The following ERCC6L2 variants were observed in gnomAD, a reference collection of about 807,000 sequenced individuals.
The protein encoded by ERCC6L2 is ERCC excision repair 6 like 2, also known as DNA excision repair protein ERCC-6-like 2.
Under a neutral mutation model 132.0 loss-of-function variants are expected in ERCC6L2, and 77 were observed. That is an observed-to-expected ratio of 0.58 (90% CI 0.49 to 0.71). ERCC6L2 has a LOEUF of 0.71. Ranked by LOEUF, ERCC6L2 falls within the 30% of genes least tolerant of loss-of-function variation. The pLI is 0.00. For synonymous variants in ERCC6L2, 583 were observed against 632.4 expected, an observed-to-expected ratio of 0.92 and a Z score of 1.17; for missense variants, 1,542 against 1,837.6, an observed-to-expected ratio of 0.84 and a Z score of 2.94.
At chr9:95,982,824 G>C (rs958396588) in intron 17 of ERCC6L2, among the ~76,000 whole-genome samples, 1 of 152,030 alleles carries the variant, frequency 6.6e-6, no homozygotes, top group African/African-American at 2.4e-5. Flanking sequence ...AATATAATAC[G>C]TCATTTGAGT....
intron 16 of ERCC6L2, among the ~76,000 whole-genome samples, chr9:95,973,290 C>A (rs1791955874): frequency 6.6e-6 from 1 of 152,086 alleles, no homozygotes; most frequent in Non-Finnish European, 1.5e-5. Context: ...TACCCCAGGA[C>A]CCCCTCCATG....
intron 11 of ERCC6L2, among the ~76,000 whole-genome samples, chr9:95,933,035 A>C (rs1830408002): frequency 6.6e-6 from 1 of 152,152 alleles, no homozygotes; most frequent in Non-Finnish European, 1.5e-5. Flanking sequence ...TCTTCTTTAA[A>C]GGGAGCTTTG....
Position 95,992,766 on chromosome 9 carries a change from C to T in ERCC6L2, c.3493-11754C>T, listed in dbSNP as rs1833346428. ...GGCCAGGGTGGAGGGACATGAGGAG[C>T]CTAAGCTAGCCACTGGAAAACACAG... On this transcript the variant is annotated intron_variant, in intron 17 of 18. Transcript: ENST00000653738. 2.0e-5 allele frequency among the ~76,000 whole-genome samples: 3 copies of T among 152,100 alleles called. No homozygotes were observed. In the South Asian group the frequency reaches 6.2e-4, roughly 32 times the overall value.
chr9:95,911,840 C>T (rs1441292747), intron 4 of ERCC6L2, among the ~76,000 whole-genome samples: 1 of 152,186 alleles, frequency 6.6e-6, no homozygotes, highest in African/African-American at 2.4e-5. Flanking sequence ...TGAAAAACTG[C>T]AGTTCACTGT....
chr9:95,907,593 T>C (rs1159503681), intron 4 of ERCC6L2, among the ~76,000 whole-genome samples: 6 of 152,094 alleles, frequency 3.9e-5, no homozygotes, highest in African/African-American at 1.4e-4. Flanking sequence ...TAGTTCATAA[T>C]AACTTACTCT....
chr9:95,952,166 T>TAAAAAAAAAAGA (rs1831365128), intron 12 of ERCC6L2, among the ~76,000 whole-genome samples: 1 of 57,738 alleles, frequency 1.7e-5, no homozygotes, highest in Non-Finnish European at 2.7e-5. Context: ...GACTCCATCT[T>TAAAAAAAAAAGA]AAAAAAAAAA....
chr9:96,018,018 T>A lies in ERCC6L2; in HGVS notation c.*4815T>A, dbSNP rs556534978. Among the ~76,000 whole-genome samples, 6 of 152,194 alleles carry A rather than the reference T, an allele frequency of 3.9e-5. No homozygotes were observed. The highest frequency in any genetic ancestry group is 1.2e-4 in the African/African-American group (5 of 41,428). On this transcript the variant is annotated 3_prime_UTR_variant, in exon 19 of 19. Transcript: ENST00000653738. ...GACAAATACTGTATGATTCCACTTATATAAAGTACCTAGATTAGTCAGATT... is the reference window on the plus strand; with the variant it reads ...GACAAATACTGTATGATTCCACTTAAATAAAGTACCTAGATTAGTCAGATT...
intron 2 of ERCC6L2, among the ~76,000 whole-genome samples, chr9:95,883,584 G>T (rs1441232213): frequency 6.6e-6 from 1 of 152,186 alleles, no homozygotes; most frequent in Non-Finnish European, 1.5e-5. Flanking sequence ...CATGAGGCTG[G>T]GTTTGGTGGT....
chr9:95,899,600 A>ATATATATATG (rs746946004), intron 3 of ERCC6L2, among the ~76,000 whole-genome samples: 286 of 134,886 alleles, frequency 2.1e-3, no homozygotes, highest in African/African-American at 7.9e-3. Context: ...TTATATATAT[A>ATATATATATG]TGTGTGTGTG....
chr9:95,897,952 T>C lies in ERCC6L2; in HGVS notation c.575T>C (p.Leu192Pro). 6.2e-7 allele frequency: 1 copy of C among 1,610,572 alleles called. No individual in the cohort carries two copies. Among genetic ancestry groups the C allele is most frequent in the Non-Finnish European group, 8.5e-7 (1 of 1,178,746 alleles). Residue 192 changes from leucine to proline, a missense_variant, in exon 3 of 19, where the codon CTT becomes CCT. Transcript: ENST00000653738. ...CTAAGAAGTATGAAAAAGGAACCCC[T>C]TTCTTCTACAGCAAAAAAGGTAAAA... ...FLLRSMKKEP[L>P]SSTAKKMFLI...
intron 2 of ERCC6L2, among the ~76,000 whole-genome samples, chr9:95,894,331 T>G (rs887028751): frequency 1.3e-5 from 2 of 152,224 alleles, no homozygotes; most frequent in African/African-American, 4.8e-5. Flanking sequence ...AATATTCATT[T>G]AAGTCCCTAA....
chr9:95,919,843 G>A (rs1829777213), intron 6 of ERCC6L2, among the ~76,000 whole-genome samples: 2 of 152,186 alleles, frequency 1.3e-5, no homozygotes, highest in African/African-American at 2.4e-5. Flanking sequence ...AAATTCAAGA[G>A]CTAATTTAAA....
At chr9:95,952,748 G>A (rs1406712791) in intron 12 of ERCC6L2, among the ~76,000 whole-genome samples, 3 of 151,908 alleles carry the variant, frequency 2.0e-5, no homozygotes, top group East Asian at 3.9e-4. Context: ...GCCAAGGCAC[G>A]AGAATCACTT....
At chr9:95,877,331 C>T (rs1479394468) in intron 1 of ERCC6L2, among the ~76,000 whole-genome samples, 3 of 149,610 alleles carry the variant, frequency 2.0e-5, no homozygotes, top group Non-Finnish European at 4.4e-5. Flanking sequence ...TGTGTGATTC[C>T]CTTAAGGCTT....
Position 95,972,689 on chromosome 9 carries a change from A to G in ERCC6L2, c.2938A>G (p.Ser980Gly). The G allele has an allele frequency of 7.7e-7, 1 of 1,300,854 alleles. No individual in the cohort carries two copies. The highest frequency in any genetic ancestry group is 1.5e-5 in the African/African-American group (1 of 65,998). 80.6% of individuals were successfully genotyped at this position (1,300,854 alleles called of 1,614,324 possible). ...GAAAAGAAAAGGCACCAGTGATATC[A>G]GTGATGAATCTGATGACATTGAAAT... Reference protein sequence around the residue: ...ILKRKGTSDISDESDDIEISS... With the variant: ...ILKRKGTSDIGDESDDIEISS... The change falls in exon 16 of 19, where the codon AGT becomes GGT. Residue 980 changes from serine (S) to glycine (G), a missense_variant. Around this residue, in one of 4 missense-constraint regions of ERCC6L2, gnomAD observed 945 missense variants for 1,105.2 expected, o/e 0.86. Transcript: ENST00000653738.
In ERCC6L2 at chr9:95,881,196, A is replaced by T. The variant is rs201929399; in HGVS notation, c.374A>T (p.Asp125Val). The change falls in exon 2 of 19, where the codon GAC becomes GTC. Residue 125 changes from aspartate (D) to valine (V), a missense_variant. Around this residue, in one of 4 missense-constraint regions of ERCC6L2, gnomAD observed 945 missense variants for 1,105.2 expected, o/e 0.86. Transcript: ENST00000653738. Reference sequence around the variant, plus strand: ...TATACCATCAATAGGTATTTGAGAGACTACCAAAGAGAAGGAACCCGGTTT... The same window carrying T: ...TATACCATCAATAGGTATTTGAGAGTCTACCAAAGAGAAGGAACCCGGTTT... ...IPYTINRYLR[D>V]YQREGTRFLY... The T allele has an allele frequency of 6.2e-7, 1 of 1,609,348 alleles. No homozygotes were observed. The highest frequency in any genetic ancestry group is 8.5e-7 in the Non-Finnish European group (1 of 1,178,802).
Position 96,016,706 on chromosome 9 carries a change from T to C in ERCC6L2, c.*3503T>C, listed in dbSNP as rs1186460031. 6.6e-6 allele frequency among the ~76,000 whole-genome samples: 1 copy of C among 152,256 alleles called. No homozygotes were observed. The highest frequency in any genetic ancestry group is 1.5e-5 in the Non-Finnish European group (1 of 68,040). On this transcript the variant is annotated 3_prime_UTR_variant, in exon 19 of 19. Transcript: ENST00000653738. ...AATTAAAGTTCAATGTGTACGCTTT[T>C]AAATTCTGAAGTTATCCTTCTTTTA...
At chr9:95,877,929 A>G (rs774719649) in intron 1 of ERCC6L2, among the ~76,000 whole-genome samples, 150 of 152,330 alleles carry the variant, frequency 9.8e-4, no homozygotes, top group Non-Finnish European at 1.2e-3. Flanking sequence ...TGGAAAGGAA[A>G]TTACTCTCTA....
chr9:95,910,824 G>A (rs1587889249), intron 4 of ERCC6L2, among the ~76,000 whole-genome samples: 1 of 152,064 alleles, frequency 6.6e-6, no homozygotes. Flanking sequence ...GAGGCATAGA[G>A]AGGTTAAATA....
Sources: allele counts gnomAD v4.1 joint callset (sites outside exome capture counted in the v4.1 genomes callset), GRCh38; gene constraint gnomAD v4.1.1; regional missense constraint gnomAD v4.1.1; transcripts MANE v1.5; gene names NCBI Gene and HGNC (gene_info 2026-07-23, HGNC 2026-07-21).